Variants in MAP4 observed in about 807,000 individuals in gnomAD.
MAP4 encodes the protein microtubule associated protein 4, also known as microtubule-associated protein 4.
Under a neutral mutation model 170.2 loss-of-function variants are expected in MAP4, and 76 were observed. The ratio of observed to expected loss-of-function variants is 0.45; its 90% CI spans 0.37 to 0.54. The LOEUF (loss-of-function observed/expected upper bound fraction) is 0.54, where lower values mean the gene tolerates loss of function less well. MAP4 is among the 20% of genes least tolerant of loss of function. MAP4 has a pLI of 0.00. For missense variants in MAP4, 2,506 were observed against 2,748.0 expected (o/e 0.91, Z 1.97); for synonymous variants, 909 against 994.5 (o/e 0.91, Z 1.62).
chr3:48,056,969 G>C (rs1465021334), intron 1 of MAP4, among the ~76,000 whole-genome samples: 1 of 108,256 alleles, frequency 9.2e-6, no homozygotes, highest in African/African-American at 3.6e-5. Context: ...CAGCCGCCCC[G>C]TCCGGGAGGG....
chr3:47,962,895 T>C (rs1424289355), intron 3 of MAP4, among the ~76,000 whole-genome samples: 2 of 152,198 alleles, frequency 1.3e-5, no homozygotes, highest in African/African-American at 4.8e-5. Context: ...AGCAAAATCC[T>C]TCAATGAAGA....
intron 1 of MAP4, among the ~76,000 whole-genome samples, chr3:48,026,285 G>C (rs1417067803): frequency 6.6e-6 from 1 of 152,126 alleles, no homozygotes; most frequent in African/African-American, 2.4e-5. Flanking sequence ...TAAATTACTT[G>C]TAAATAAACA....
At chr3:48,038,221 T>A (rs1287707651) in intron 1 of MAP4, among the ~76,000 whole-genome samples, 1 of 150,874 alleles carries the variant, frequency 6.6e-6, no homozygotes, top group African/African-American at 2.4e-5. Context: ...AATATTTGGA[T>A]GCTCACCCAG....
At chr3:47,992,477 G>C (rs2100092926) in intron 2 of MAP4, among the ~76,000 whole-genome samples, 1 of 152,008 alleles carries the variant, frequency 6.6e-6, no homozygotes, top group Admixed American at 6.6e-5. Context: ...CCAGGCTGCA[G>C]CACAGTGGTG....
intron 1 of MAP4, among the ~76,000 whole-genome samples, chr3:48,068,668 C>T (rs1333611508): frequency 1.3e-4 from 20 of 152,148 alleles, no homozygotes; most frequent in Admixed American, 1.2e-3. Flanking sequence ...CCTGTAATCC[C>T]AGCTACTCGG....
chr3:47,910,616 C>A lies in MAP4; in HGVS notation c.3805G>T (p.Asp1269Tyr). The A allele has an allele frequency of 6.5e-7, 1 of 1,536,108 alleles. No homozygotes were observed. Among genetic ancestry groups the A allele is most frequent in the Admixed American group, 2.0e-5 (1 of 50,996 alleles). ...EIGFTFPKMH[D>Y]SSFSHTPDTP... ...TCTGGTGTATGTGAGAACGAAGAATCATGCATTTTGGGGAAAGTAAATCCT... is the reference window on the plus strand; with the variant it reads ...TCTGGTGTATGTGAGAACGAAGAATAATGCATTTTGGGGAAAGTAAATCCT... Residue 1269 changes from aspartate to tyrosine, a missense_variant, in exon 9 of 21, where the codon GAT becomes TAT. Around this residue, in one of 3 missense-constraint regions of MAP4, gnomAD observed 2,008 missense variants for 2,206.0 expected, o/e 0.91. Coordinates refer to ENST00000683076, the MANE Select transcript of MAP4 (RefSeq NM_001385682.1).
Position 47,951,739 on chromosome 3 carries a change from G to A in MAP4, c.293-23389C>T, listed in dbSNP as rs1415176115. Reference sequence around the variant, plus strand: ...CAGCCACCTGCCTTGGCCTCCCAAAGTGCCGAGATTGCAGCCTCTGCCCGG... The same window carrying A: ...CAGCCACCTGCCTTGGCCTCCCAAAATGCCGAGATTGCAGCCTCTGCCCGG... On this transcript the variant is annotated intron_variant, in intron 3 of 20. Coordinates refer to ENST00000683076, the MANE Select transcript of MAP4 (RefSeq NM_001385682.1). Among the ~76,000 whole-genome samples the A allele has an allele frequency of 2.0e-5, 3 of 152,202 alleles. No individual in the cohort carries two copies. In the East Asian group the frequency reaches 5.8e-4, roughly 29 times the overall value.
chr3:48,085,276 T>A lies in MAP4; in HGVS notation c.-20+3497A>T, dbSNP rs1006113752. Among the ~76,000 whole-genome samples, 3 of 148,372 alleles carry A rather than the reference T, an allele frequency of 2.0e-5. No individual in the cohort carries two copies. In the East Asian group the frequency reaches 5.9e-4, roughly 29 times the overall value. ...AGAGCCAAAGGATTGATCACCAAAT[T>A]CAGAAACAAGATTAGGAAAGAACAA... On this transcript the variant is annotated intron_variant, in intron 1 of 18. Transcript: ENST00000360240.
chr3:47,933,462 G>A (rs1021757904), intron 3 of MAP4, among the ~76,000 whole-genome samples: 1 of 151,856 alleles, frequency 6.6e-6, no homozygotes, highest in Admixed American at 6.6e-5. Context: ...TTTTGAGACA[G>A]GGTCTCACTC....
rs185630190 is a variant in MAP4 at position 47,949,905 on chromosome 3, G to C, written c.293-21555C>G. Among the ~76,000 whole-genome samples, 18 of 152,200 alleles carry C rather than the reference G, an allele frequency of 1.2e-4. No homozygotes were observed. In the East Asian group the frequency reaches 3.5e-3, roughly 29 times the overall value. On this transcript the variant is annotated intron_variant, in intron 3 of 20. Transcript: ENST00000683076. The stretch of plus-strand genomic sequence containing the variant: ...GGGATACCACAATGAGTGGCTTCAG[G>C]TGAGTTCCAGTCACCCCAGCTAACT...
chr3:47,998,897 G>A lies in MAP4; in HGVS notation c.-19-18C>T. 1 of 1,396,826 alleles carries A rather than the reference G, an allele frequency of 7.2e-7. No homozygotes were observed. The highest frequency in any genetic ancestry group is 1.0e-6 in the Non-Finnish European group (1 of 982,802). 86.5% of individuals were successfully genotyped at this position (1,396,826 alleles called of 1,614,324 possible). A position where few individuals can be genotyped will look rare whatever the true frequency, so the allele number is the denominator to read the frequency against. ...GCAACTGCCTGGTGAAGAGGAAAAA[G>A]ATCTTTCATGTAACGAGCACTGCAA... On this transcript the variant is annotated intron_variant, in intron 1 of 20. Coordinates refer to ENST00000683076, the MANE Select transcript of MAP4 (RefSeq NM_001385682.1).
intron 1 of MAP4, among the ~76,000 whole-genome samples, chr3:48,051,553 T>C (rs1158523796): frequency 6.6e-5 from 10 of 152,222 alleles, no homozygotes; most frequent in Admixed American, 4.6e-4. Flanking sequence ...TTCTTTTTTA[T>C]GGTTATTGAT....
intron 3 of MAP4, among the ~76,000 whole-genome samples, chr3:47,931,382 G>T (rs1336398705): frequency 1.3e-5 from 2 of 152,092 alleles, no homozygotes; most frequent in African/African-American, 4.8e-5. Context: ...TTTAAAAAAG[G>T]CTGTACAAAA....
At chr3:48,082,720 T>A (rs1313300457) in intron 1 of MAP4, among the ~76,000 whole-genome samples, 1 of 150,892 alleles carries the variant, frequency 6.6e-6, no homozygotes, top group Admixed American at 6.6e-5. Context: ...ATCACTTGAA[T>A]TGGGTAGGCA....
intron 1 of MAP4, among the ~76,000 whole-genome samples, chr3:48,086,393 C>G (rs1405966782): frequency 6.6e-6 from 1 of 152,196 alleles, no homozygotes; most frequent in African/African-American, 2.4e-5. Flanking sequence ...TCCCAGGGCA[C>G]TTTGGGAGGC....
rs1477762570 is a variant in MAP4 at position 47,855,668 on chromosome 3, C to T, written c.6584-308G>A. ...GGCCTGGGGCTCCGAGCACAGCCTC[C>T]AGGGCGAAGCCTCTGCTTCTCTACT... On this transcript the variant is annotated intron_variant, in intron 18 of 20. Coordinates refer to ENST00000683076, the MANE Select transcript of MAP4 (RefSeq NM_001385682.1). The surrounding 1 kb of genome is among the most constrained non-coding windows in gnomAD (Gnocchi z 5.1). Among the ~76,000 whole-genome samples, 1 of 152,022 alleles carries T rather than the reference C, an allele frequency of 6.6e-6. No individual in the cohort carries two copies. Among genetic ancestry groups the T allele is most frequent in the East Asian group, 1.9e-4 (1 of 5,154 alleles).
At chr3:47,889,977 C>T (rs1043059959) in intron 10 of MAP4, among the ~76,000 whole-genome samples, 4 of 150,482 alleles carry the variant, frequency 2.7e-5, no homozygotes, top group African/African-American at 9.8e-5. Flanking sequence ...TTCTACTTAC[C>T]ACTCCCCTAG....
intron 1 of MAP4, among the ~76,000 whole-genome samples, chr3:48,023,184 G>C (rs1285276124): frequency 2.0e-5 from 3 of 151,998 alleles, no homozygotes; most frequent in Non-Finnish European, 4.4e-5. Context: ...AAAAACAGGG[G>C]AGGGGAGCAG....
chr3:47,948,983 A>G (rs975636827), intron 3 of MAP4, among the ~76,000 whole-genome samples: 1 of 152,200 alleles, frequency 6.6e-6, no homozygotes, highest in Admixed American at 6.5e-5. Flanking sequence ...AGAATTCTAC[A>G]TTAATCCATT....
Sources: allele counts gnomAD v4.1 joint callset (sites outside exome capture counted in the v4.1 genomes callset), GRCh38; gene constraint gnomAD v4.1.1; regional missense constraint gnomAD v4.1.1; non-coding constraint Gnocchi (gnomAD v3.1); transcripts MANE v1.5; gene names NCBI Gene and HGNC (gene_info 2026-07-23, HGNC 2026-07-21).